Variants in HECW1 observed in about 807,000 individuals in gnomAD.
HECW1 encodes the protein HECT, C2 and WW domain containing E3 ubiquitin protein ligase 1.
In HECW1, 61 loss-of-function variants were observed where a neutral mutation model predicts 182.3. That is an observed-to-expected ratio of 0.33 (90% confidence interval 0.27 to 0.41). HECW1 has a LOEUF of 0.41. HECW1 is among the 10% of genes least tolerant of loss of function. The pLI is 1.00. For synonymous variants in HECW1, 859 were observed against 832.6 expected (o/e 1.03, Z -0.55); for missense variants, 1,739 against 2,108.9 (o/e 0.82, Z 3.44).
intron 13 of HECW1, 80 bp downstream of exon 13, chr7:43,456,527 T>G (rs1424719814): frequency 7.1e-7 from 1 of 1,414,474 alleles, no homozygotes; most frequent in Admixed American, 2.0e-5. Flanking sequence ...CCTTACACTT[T>G]TCTGCTCAGA....
At chr7:43,233,179 A>G (rs1300526003) in intron 2 of HECW1, among the ~76,000 whole-genome samples, 1 of 152,190 alleles carries the variant, frequency 6.6e-6, no homozygotes, top group African/African-American at 2.4e-5. Context: ...GTTTTCATAT[A>G]TATTCAATGT....
intron 2 of HECW1, among the ~76,000 whole-genome samples, chr7:43,235,155 G>T (rs1240088054): frequency 2.0e-5 from 3 of 152,152 alleles, no homozygotes; most frequent in African/African-American, 7.2e-5. Flanking sequence ...CATATCCAAG[G>T]GAGCCCGGAG....
At chr7:43,316,430 T>G (rs1436366285) in intron 4 of HECW1, among the ~76,000 whole-genome samples, 2 of 152,162 alleles carry the variant, frequency 1.3e-5, no homozygotes, top group African/African-American at 2.4e-5. Context: ...TAAGCAGAAA[T>G]AGCTGCTTAT....
intron 3 of HECW1, among the ~76,000 whole-genome samples, chr7:43,251,946 A>C (rs1339749152): frequency 6.6e-6 from 1 of 152,168 alleles, no homozygotes; most frequent in African/African-American, 2.4e-5. Flanking sequence ...AGCTGGACCC[A>C]GTGCTCTGGG....
At chr7:43,121,935 C>T (rs1391879751) in intron 2 of HECW1, 1 of 152,186 alleles carries the variant, frequency 6.6e-6, no homozygotes, top group African/African-American at 2.4e-5. Context: ...GCTCAAGGAA[C>T]AACCTAAGAG....
At chr7:43,154,293 A>C (rs927402785) in intron 2 of HECW1, among the ~76,000 whole-genome samples, 1 of 152,194 alleles carries the variant, frequency 6.6e-6, no homozygotes, top group South Asian at 2.1e-4. Context: ...ATTTACAAGG[A>C]AGATGTACTT....
intron 3 of HECW1, among the ~76,000 whole-genome samples, chr7:43,250,989 T>A (rs1231238573): frequency 6.6e-6 from 1 of 152,182 alleles, no homozygotes; most frequent in Non-Finnish European, 1.5e-5. Context: ...TTTAGCCTAT[T>A]TTGTTGCTGG....
chr7:43,548,674 G>A (rs1011696282), intron 26 of HECW1, among the ~76,000 whole-genome samples: 2 of 152,174 alleles, frequency 1.3e-5, no homozygotes, highest in African/African-American at 4.8e-5. Context: ...GAGTGTGGTG[G>A]TCCACGCCTA....
intron 2 of HECW1, among the ~76,000 whole-genome samples, chr7:43,181,538 A>G (rs1792858513): frequency 6.6e-6 from 1 of 150,818 alleles, no homozygotes; most frequent in Non-Finnish European, 1.5e-5. Context: ...AGCCATTCTA[A>G]CTGGAGTGAG....
intron 8 of HECW1, 27 bp downstream of exon 8, chr7:43,407,758 G>A (rs1391909541): frequency 2.5e-6 from 4 of 1,585,022 alleles, no homozygotes; most frequent in East Asian, 2.3e-5. Context: ...CTGAAAAAAA[G>A]CCCAAGTAAA....
At chr7:43,379,204 G>T (rs920551288) in intron 6 of HECW1, among the ~76,000 whole-genome samples, 1 of 152,080 alleles carries the variant, frequency 6.6e-6, no homozygotes, top group Non-Finnish European at 1.5e-5. Flanking sequence ...TCCCTTTAAC[G>T]CTCAATCCCA....
chr7:43,336,124 T>TTCTTTCTCTCTCTCTCTCTCTCTCTCTC (rs1313057919), intron 5 of HECW1, among the ~76,000 whole-genome samples: 1 of 64,248 alleles, frequency 1.6e-5, no homozygotes, highest in African/African-American at 7.3e-5. Context: ...CTTTCTTTCT[T>TTCTTTCTCTCTCTCTCTCTCTCTCTCTC]TCTCTCTCTC....
In HECW1 at chr7:43,493,101, G is replaced by A. The variant is rs2078991410; in HGVS notation, c.3358G>A (p.Val1120Met). Reference protein sequence around the residue: ...SLPLAYNDKIVAFLRQPNIFE... With the variant: ...SLPLAYNDKIMAFLRQPNIFE... ...TGTTTCAGCATATAATGACAAGATT[G>A]TGGCATTTCTTCGCCAGCCAAACAT... Residue 1120 changes from valine to methionine, a missense_variant, in exon 19 of 30, where the codon GTG becomes ATG. Physicochemically the swap from Val to Met is conservative, Grantham distance 21 (BLOSUM62 1). This residue lies in a region of HECW1 where 971 missense variants were observed against 1,029.1 expected (regional missense o/e 0.94). Transcript: ENST00000395891. The A allele has an allele frequency of 6.2e-7, 1 of 1,612,944 alleles. No homozygotes were observed. Among genetic ancestry groups the A allele is most frequent in the African/African-American group, 1.3e-5 (1 of 74,904 alleles).
At chr7:43,550,677 G>A in intron 27 of HECW1, 86 bp downstream of exon 27, 1 of 1,354,452 alleles carries the variant, frequency 7.4e-7, no homozygotes, top group Non-Finnish European at 1.0e-6. Flanking sequence ...TGAGGGAGCA[G>A]CAGCTCAGGT....
chr7:43,187,823 A>G (rs1793550032), intron 2 of HECW1, among the ~76,000 whole-genome samples: 1 of 152,146 alleles, frequency 6.6e-6, no homozygotes, highest in Non-Finnish European at 1.5e-5. Context: ...TTAGAGGTAG[A>G]TGGGAGCTCT....
intron 5 of HECW1, among the ~76,000 whole-genome samples, chr7:43,349,045 G>GT (rs58625207): frequency 0.27 from 41,636 of 151,636 alleles, 7,265 homozygotes; most frequent in African/African-American, 0.49. Flanking sequence ...GTTTTGTTTT[G>GT]TTTTTTGAGA....
chr7:43,247,743 G>T (rs1481439734), intron 3 of HECW1, among the ~76,000 whole-genome samples: 1 of 115,402 alleles, frequency 8.7e-6, no homozygotes, highest in African/African-American at 3.3e-5. Context: ...AGGAAGGAAG[G>T]AGGGAGGGAG....
At chr7:43,522,268 T>C (rs17172222) in intron 24 of HECW1, 16,368 of 152,208 alleles carry the variant, frequency 0.11, 1,106 homozygotes, top group East Asian at 0.37. Context: ...TTTTCAAATG[T>C]TGGCAACTGA....
intron 11 of HECW1, among the ~76,000 whole-genome samples, chr7:43,447,383 A>G (rs981333323): frequency 2.0e-5 from 3 of 152,220 alleles, no homozygotes; most frequent in Admixed American, 1.3e-4. Context: ...AGCAGGTGGA[A>G]GAGCAGGAAG....
Sources: allele counts gnomAD v4.1 joint callset (sites outside exome capture counted in the v4.1 genomes callset), GRCh38; gene constraint gnomAD v4.1.1; regional missense constraint gnomAD v4.1.1; transcripts MANE v1.5; gene names NCBI Gene and HGNC (gene_info 2026-07-23, HGNC 2026-07-21).